The following GNG2 variants were observed in gnomAD, a reference collection of about 807,000 sequenced individuals.
GNG2 encodes guanine nucleotide-binding protein G(I)/G(S)/G(O) subunit gamma-2.
A neutral mutation model predicts 5.5 loss-of-function variants in GNG2; 5 were observed. The observed-to-expected ratio is 0.91, with a 90% confidence interval of 0.48 to 1.92. The LOEUF is 1.92. Among genes scored for constraint, GNG2 ranks in the 30% most tolerant of loss-of-function variants. The probability of loss-of-function intolerance (pLI) is 0.01; values close to 1 mark genes in which losing one functional copy is unlikely to be tolerated. For missense variants in GNG2, 55 were observed against 88.4 expected, an observed-to-expected ratio of 0.62 and a Z score of 1.52; for synonymous variants, 28 against 32.0, an observed-to-expected ratio of 0.88 and a Z score of 0.42.
intron 1 of GNG2, among the ~76,000 whole-genome samples, chr14:51,861,119 CG>C (rs1218910959): frequency 2.0e-5 from 3 of 151,890 alleles, no homozygotes; most frequent in Non-Finnish European, 4.4e-5. Flanking sequence ...CATCGGAGCC[CG>C]GCAGTCCCCT....
chr14:51,950,988 A>C lies in GNG2; in HGVS notation c.87+223A>C, dbSNP rs374858655. On this transcript the variant is annotated intron_variant, in intron 3 of 3. Coordinates refer to ENST00000556766, the MANE Select transcript of GNG2 (RefSeq NM_053064.5). ...AATTAAAACCTAACAACACAACACA[A>C]AAAAAAAAGCAAAACAGGCTCATGG... Among the ~76,000 whole-genome samples, 171 of 151,612 alleles carry C rather than the reference A, an allele frequency of 1.1e-3. 3 individuals carry two copies. The South Asian group carries it at 0.032, about 28-fold the overall frequency.
At chr14:51,946,513 A>G (rs1888652348) in intron 2 of GNG2, among the ~76,000 whole-genome samples, 1 of 152,194 alleles carries the variant, frequency 6.6e-6, no homozygotes, top group Admixed American at 6.5e-5. Context: ...GTGGAAAGGA[A>G]TGAAGCATCA....
intron 2 of GNG2, among the ~76,000 whole-genome samples, chr14:51,892,405 G>A (rs1291235716): frequency 6.6e-6 from 1 of 151,850 alleles, no homozygotes; most frequent in Admixed American, 6.6e-5. Flanking sequence ...TTTGCCTCCT[G>A]GGTTCAAGCG....
chr14:51,943,355 G>T (rs778550141), intron 2 of GNG2, among the ~76,000 whole-genome samples: 9 of 152,104 alleles, frequency 5.9e-5, no homozygotes, highest in Non-Finnish European at 8.8e-5. Flanking sequence ...AGTGGTTAAT[G>T]AATTCAAACC....
At chr14:51,949,917 A>G (rs1026619621) in intron 2 of GNG2, among the ~76,000 whole-genome samples, 1 of 152,200 alleles carries the variant, frequency 6.6e-6, no homozygotes, top group Non-Finnish European at 1.5e-5. Flanking sequence ...GGCAGAGACA[A>G]AGAAACCATC....
intron 2 of GNG2, among the ~76,000 whole-genome samples, chr14:51,945,850 G>T (rs1008072480): frequency 2.1e-5 from 3 of 145,482 alleles, no homozygotes; most frequent in African/African-American, 7.5e-5. Context: ...ACTCTTATTT[G>T]CACAGGTAAA....
intron 2 of GNG2, among the ~76,000 whole-genome samples, chr14:51,834,274 C>G (rs1043524532): frequency 1.3e-5 from 2 of 152,228 alleles, no homozygotes; most frequent in African/African-American, 2.4e-5. Context: ...GAAGTTCCCC[C>G]AGAACGCCCC....
At chr14:51,951,483 G>A (rs1049158961) in intron 3 of GNG2, among the ~76,000 whole-genome samples, 1 of 152,176 alleles carries the variant, frequency 6.6e-6, no homozygotes, top group Non-Finnish European at 1.5e-5. Flanking sequence ...CGGTGGCAAA[G>A]TAAATTTCTG....
chr14:51,866,359 A>G (rs1247490973), intron 1 of GNG2, among the ~76,000 whole-genome samples: 5 of 152,036 alleles, frequency 3.3e-5, no homozygotes, highest in Non-Finnish European at 7.4e-5. Flanking sequence ...TGTCCTGTGC[A>G]TTTTCAATGG....
At chr14:51,854,436 G>T (rs751741370) in intron 2 of GNG2, among the ~76,000 whole-genome samples, 8 of 152,080 alleles carry the variant, frequency 5.3e-5, no homozygotes, top group Non-Finnish European at 7.4e-5. Context: ...TAGTAGCCTG[G>T]TCAAACTCTC....
intron 3 of GNG2, among the ~76,000 whole-genome samples, chr14:51,955,672 G>A (rs776012772): frequency 2.7e-4 from 41 of 152,312 alleles, no homozygotes; most frequent in Admixed American, 8.5e-4. Flanking sequence ...AAATAAAGCT[G>A]TGGTAATGGG....
At chr14:51,856,120 G>A (rs1882146105), upstream of GNG2, among the ~76,000 whole-genome samples, 1 of 152,206 alleles carries the variant, frequency 6.6e-6, no homozygotes, top group African/African-American at 2.4e-5. Flanking sequence ...GGAGGTTGCA[G>A]TGAGCTGAGA....
At position 51,950,666 on chromosome 14, in the gene GNG2, A is replaced by G. The variant is rs1431958943; in HGVS notation, c.-13A>G. 4 of 1,601,996 alleles carry G rather than the reference A, an allele frequency of 2.5e-6. No homozygotes were observed. The highest frequency in any genetic ancestry group is 2.7e-5 in the African/African-American group (2 of 74,494). ...CTTTTCTAGTGTTTCTGAAAGATCT[A>G]TCCAGCACTCCGATGGCCAGCAACA... On this transcript the variant is annotated 5_prime_UTR_variant, in exon 3 of 4. Coordinates refer to ENST00000556766, the MANE Select transcript of GNG2 (RefSeq NM_053064.5).
intron 2 of GNG2, among the ~76,000 whole-genome samples, chr14:51,883,009 CA>C (rs1208060740): frequency 1.6e-3 from 79 of 49,266 alleles, no homozygotes; most frequent in African/African-American, 2.1e-3. Flanking sequence ...GACTCCATCT[CA>C]AAAAAAAAAA....
intron 2 of GNG2, among the ~76,000 whole-genome samples, chr14:51,834,925 C>T (rs996540470): frequency 6.6e-6 from 1 of 152,150 alleles, no homozygotes; most frequent in African/African-American, 2.4e-5. Flanking sequence ...ATGTCTACCC[C>T]GCTTCTATAT....
chr14:51,869,523 G>A (rs1883160379), intron 1 of GNG2, among the ~76,000 whole-genome samples: 1 of 152,126 alleles, frequency 6.6e-6, no homozygotes, highest in South Asian at 2.1e-4. Context: ...GGCTCTTTCT[G>A]GTTTGTTGAA....
chr14:51,941,268 C>A (rs1888303737), intron 2 of GNG2, among the ~76,000 whole-genome samples: 1 of 152,146 alleles, frequency 6.6e-6, no homozygotes, highest in Admixed American at 6.5e-5. Context: ...CTGACAAATT[C>A]TAAATTGGAA....
intron 2 of GNG2, among the ~76,000 whole-genome samples, chr14:51,894,437 G>T (rs1286621093): frequency 6.6e-6 from 1 of 152,074 alleles, no homozygotes; most frequent in African/African-American, 2.4e-5. Context: ...TCATAAGCTT[G>T]ACTTAAGAAA....
At chr14:51,957,567 G>A (rs57832874) in intron 3 of GNG2, among the ~76,000 whole-genome samples, 52,365 of 152,020 alleles carry the variant, frequency 0.34, 9,560 homozygotes, top group Non-Finnish European at 0.39. Context: ...TGTAATGTGT[G>A]TTTTCTACAA....
Sources: gnomAD v4.1 joint callset for allele counts (sites outside exome capture counted in the v4.1 genomes callset) on GRCh38, gnomAD v4.1.1 for gene constraint, MANE v1.5 for transcripts, NCBI Gene and HGNC (gene_info 2026-07-23, HGNC 2026-07-21) for gene names.